Variants in THOC2 observed in about 807,000 individuals in gnomAD.
THOC2 encodes THO complex subunit 2.
In THOC2, 10 loss-of-function variants were observed where a neutral mutation model predicts 128.4. The observed-to-expected ratio is 0.08, with a 90% CI of 0.05 to 0.13. THOC2 has a LOEUF of 0.13. THOC2 is among the 10% of genes least tolerant of loss of function. The probability of loss-of-function intolerance (pLI) is 1.00; values close to 1 mark genes in which losing one functional copy is unlikely to be tolerated. For missense variants in THOC2, 535 were observed against 1,155.7 expected (o/e 0.46, Z 7.79); for synonymous variants, 393 against 396.9 (o/e 0.99, Z 0.12).
At chrX:123,699,103 C>G (rs1310571717) in intron 4 of THOC2, among the ~76,000 whole-genome samples, 1 of 111,465 alleles carries the variant, frequency 9.0e-6, no homozygotes, top group Non-Finnish European at 1.9e-5. Context: ...GGATTACAAA[C>G]AAGGCTGATC....
intron 22 of THOC2, among the ~76,000 whole-genome samples, chrX:123,630,604 C>A (rs1456342685): frequency 1.3e-5 from 1 of 77,665 alleles, no homozygotes; most frequent in African/African-American, 5.3e-5. Flanking sequence ...CAGAGCGAGA[C>A]TCCATCTCAA....
chrX:123,706,953 T>C lies in THOC2; in HGVS notation c.131-4A>G. On this transcript the variant is annotated splice_polypyrimidine_tract_variant and splice_region_variant and intron_variant, in intron 2 of 38. Coordinates refer to ENST00000245838, the MANE Select transcript of THOC2 (RefSeq NM_001081550.2). ...TCATAGAGAGCTTGCTGGAAATCTG[T>C]TGAACATAAGAGAAATAATGTAAGG... The C allele has an allele frequency of 9.5e-7, 1 of 1,051,935 alleles. No individual in the cohort carries two copies. Among genetic ancestry groups the C allele is most frequent in the Non-Finnish European group, 1.3e-6 (1 of 779,235 alleles). 86.7% of individuals were successfully genotyped at this position (1,051,935 alleles called of 1,213,427 possible). A position where few individuals can be genotyped will look rare whatever the true frequency, so the allele number is the denominator to read the frequency against.
intron 3 of THOC2, among the ~76,000 whole-genome samples, chrX:123,706,367 TTTC>T (rs1267251057): frequency 4.4e-4 from 49 of 110,135 alleles, no homozygotes; most frequent in African/African-American, 1.1e-3. Flanking sequence ...GACACCTTAA[TTTC>T]TTCTTTTTTT....
At chrX:123,724,001 T>C (rs191421771) in intron 1 of THOC2, among the ~76,000 whole-genome samples, 2 of 111,822 alleles carry the variant, frequency 1.8e-5, no homozygotes, top group Admixed American at 9.5e-5. Flanking sequence ...CTCTGTATTT[T>C]CATTACATTT....
intron 15 of THOC2, among the ~76,000 whole-genome samples, chrX:123,642,099 T>C (rs150526162): frequency 8.9e-6 from 1 of 112,361 alleles, no homozygotes; most frequent in Non-Finnish European, 1.9e-5. Context: ...AGGAAGATTG[T>C]GTCTCAGCCT....
chrX:123,726,512 CAA>C (rs567231605), intron 1 of THOC2, among the ~76,000 whole-genome samples: 15 of 52,561 alleles, frequency 2.9e-4, no homozygotes, highest in Non-Finnish European at 1.9e-4. Context: ...GACCCTGTCT[CAA>C]AAAAAAAAAA....
In THOC2 at chrX:123,651,673, C is replaced by T. The variant is rs370208835; in HGVS notation, c.1387-6298G>A. Among the ~76,000 whole-genome samples the T allele has an allele frequency of 5.8e-3, 636 of 109,695 alleles. 4 individuals carry two copies. Among genetic ancestry groups the T allele is most frequent in the Middle Eastern group, 0.023 (5 of 214 alleles). ...TCAGAGAATACTATAAACACCTCTACGCAAATAAACTAGAAAATCTAGAAG... is the reference window on the plus strand; with the variant it reads ...TCAGAGAATACTATAAACACCTCTATGCAAATAAACTAGAAAATCTAGAAG... On this transcript the variant is annotated intron_variant, in intron 12 of 38. Transcript: ENST00000245838.
At chrX:123,681,738 G>A (rs1476915537) in intron 8 of THOC2, among the ~76,000 whole-genome samples, 1 of 112,007 alleles carries the variant, frequency 8.9e-6, no homozygotes, top group Non-Finnish European at 1.9e-5. Context: ...AACATACCAG[G>A]TGTAAAATGC....
intron 8 of THOC2, among the ~76,000 whole-genome samples, chrX:123,672,348 G>A (rs1204423980): frequency 1.9e-5 from 2 of 106,013 alleles, no homozygotes; most frequent in African/African-American, 6.9e-5. Flanking sequence ...TGTTGCCCAG[G>A]CTGATCTCCA....
rs765114972 is a variant in THOC2 at position 123,731,602 on chromosome X, T to G, written c.71+1350A>C. The stretch of plus-strand genomic sequence containing the variant: ...CACAACAATCCTTTGAGTAGAGTAC[T>G]TATTATTCCCAATTTACTCAAGGGG... On this transcript the variant is annotated intron_variant, in intron 1 of 38. Coordinates refer to ENST00000245838, the MANE Select transcript of THOC2 (RefSeq NM_001081550.2). Among the ~76,000 whole-genome samples, 3 of 112,210 alleles carry G rather than the reference T, an allele frequency of 2.7e-5. No homozygotes were observed. In the East Asian group the frequency reaches 8.4e-4, roughly 31 times the overall value.
chrX:123,608,594 C>T (rs780039198), intron 38 of THOC2, among the ~76,000 whole-genome samples: 5 of 110,102 alleles, frequency 4.5e-5, no homozygotes, highest in African/African-American at 9.9e-5. Context: ...TATGGTGGTG[C>T]GTGCCTGTAA....
Position 123,660,787 on chromosome X carries a change from C to T in THOC2, c.1386+4855G>A, listed in dbSNP as rs189538394. On this transcript the variant is annotated intron_variant, in intron 12 of 38. Transcript: ENST00000245838. ...GTGGGGTACCTGTGATAATTTGTTACAAGCAATCCCATTACTGGGTATTTA... is the reference window on the plus strand; with the variant it reads ...GTGGGGTACCTGTGATAATTTGTTATAAGCAATCCCATTACTGGGTATTTA... Among the ~76,000 whole-genome samples, 252 of 111,941 alleles carry T rather than the reference C, an allele frequency of 2.3e-3. 3 individuals carry two copies. The highest frequency in any genetic ancestry group is 2.5e-3 in the Non-Finnish European group (135 of 53,190).
At chrX:123,725,632 A>AAC (rs2051934193) in intron 1 of THOC2, among the ~76,000 whole-genome samples, 3 of 106,737 alleles carry the variant, frequency 2.8e-5, no homozygotes, top group African/African-American at 6.8e-5. Context: ...AAAAAAAAAA[A>AAC]AAAAAACCAC....
chrX:123,634,746 C>T (rs1426216491), intron 19 of THOC2, among the ~76,000 whole-genome samples: 7 of 111,282 alleles, frequency 6.3e-5, no homozygotes, highest in African/African-American at 6.5e-5. Context: ...TGGTCACATA[C>T]ACTTGGAAGC....
intron 4 of THOC2, among the ~76,000 whole-genome samples, chrX:123,701,646 G>C (rs923722877): frequency 9.4e-6 from 1 of 106,011 alleles, no homozygotes; most frequent in East Asian, 2.9e-4. Flanking sequence ...CAAATTTATA[G>C]TAAAAATATT....
At chrX:123,648,381 G>A (rs191987177) in intron 12 of THOC2, among the ~76,000 whole-genome samples, 61 of 111,896 alleles carry the variant, frequency 5.5e-4, no homozygotes, top group Admixed American at 5.1e-3. Flanking sequence ...CTGGGTGGCC[G>A]TTTGGGCAGA....
chrX:123,675,092 C>T (rs1329099171), intron 8 of THOC2, among the ~76,000 whole-genome samples: 1 of 112,148 alleles, frequency 8.9e-6, no homozygotes, highest in South Asian at 3.7e-4. Flanking sequence ...TGTAATAGTA[C>T]TGGCTTTTAT....
chrX:123,659,236 T>G (rs746686624), intron 12 of THOC2, among the ~76,000 whole-genome samples: 4 of 112,121 alleles, frequency 3.6e-5, no homozygotes, highest in Admixed American at 2.8e-4. Flanking sequence ...TCTCAAGACC[T>G]ACTGAATCAA....
At chrX:123,726,372 G>T (rs899475979) in intron 1 of THOC2, among the ~76,000 whole-genome samples, 2 of 110,449 alleles carry the variant, frequency 1.8e-5, no homozygotes, top group Admixed American at 9.7e-5. Context: ...GAAAGGAAAA[G>T]GAAAGGATGA....
Sources: allele counts gnomAD v4.1 joint callset (sites outside exome capture counted in the v4.1 genomes callset), GRCh38; gene constraint gnomAD v4.1.1; transcripts MANE v1.5; gene names NCBI Gene and HGNC (gene_info 2026-07-23, HGNC 2026-07-21).